The following FOXP1 variants were observed in gnomAD, a reference collection of about 807,000 sequenced individuals.
The protein encoded by FOXP1 is forkhead box P1.
A neutral mutation model predicts 98.2 loss-of-function variants in FOXP1; 15 were observed. The ratio of observed to expected loss-of-function variants is 0.15; its 90% CI spans 0.10 to 0.24. The LOEUF (loss-of-function observed/expected upper bound fraction) is 0.24. FOXP1 is among the 10% of genes least tolerant of loss of function. The probability of loss-of-function intolerance (pLI) is 1.00; values close to 1 mark genes in which losing one functional copy is unlikely to be tolerated. For synonymous variants in FOXP1, 371 were observed against 314.5 expected, an observed-to-expected ratio of 1.18 and a Z score of -1.90; for missense variants, 633 against 848.5, an observed-to-expected ratio of 0.75 and a Z score of 3.15.
intron 14 of FOXP1, 35 bp downstream of exon 14, chr3:70,987,959 T>C: frequency 6.3e-7 from 1 of 1,596,498 alleles, no homozygotes; most frequent in Non-Finnish European, 8.6e-7. Context: ...ACTGTGAGTT[T>C]TGTTTTTTTC....
chr3:70,967,493 T>C (rs933740643), intron 19 of FOXP1, among the ~76,000 whole-genome samples: 1 of 152,160 alleles, frequency 6.6e-6, no homozygotes, highest in African/African-American at 2.4e-5. Context: ...GAAAATCCTG[T>C]GTTTATTTCC....
chr3:71,029,398 T>A (rs1179748694), intron 11 of FOXP1, among the ~76,000 whole-genome samples: 1 of 152,072 alleles, frequency 6.6e-6, no homozygotes, highest in Non-Finnish European at 1.5e-5. Flanking sequence ...CTCTTTTTTT[T>A]TTATTTTTTT....
At chr3:71,187,997 T>C (rs2062745710) in intron 6 of FOXP1, among the ~76,000 whole-genome samples, 1 of 152,230 alleles carries the variant, frequency 6.6e-6, no homozygotes, top group Non-Finnish European at 1.5e-5. Context: ...CTTCGTATCA[T>C]GCAGCCCTGA....
chr3:70,978,466 A>G (rs2038074653), intron 14 of FOXP1, among the ~76,000 whole-genome samples: 1 of 108,308 alleles, frequency 9.2e-6, no homozygotes, highest in South Asian at 2.9e-4. Context: ...GTAGATCTGA[A>G]GAAGTGTCCA....
intron 3 of FOXP1, among the ~76,000 whole-genome samples, chr3:71,468,602 A>G (rs2089016863): frequency 6.6e-6 from 1 of 152,182 alleles, no homozygotes; most frequent in Non-Finnish European, 1.5e-5. Context: ...TATGTTAAGT[A>G]GTTTCCATTC....
rs551942038 is a variant in FOXP1, at chr3:71,343,840, A to G, written c.-73+15310T>C. Among the ~76,000 whole-genome samples the G allele has an allele frequency of 3.3e-5, 5 of 152,116 alleles. No individual in the cohort carries two copies. The East Asian group carries it at 9.6e-4, about 29-fold the overall frequency. ...CCCATCACGCCTGGCGTTCAATTAG[A>G]TTTTCTGAATCAAACAGATTAAATG... On this transcript the variant is annotated intron_variant, in intron 4 of 20. Coordinates refer to ENST00000649528, the MANE Select transcript of FOXP1 (RefSeq NM_001349338.3).
intron 3 of FOXP1, among the ~76,000 whole-genome samples, chr3:71,489,117 C>CA (rs2090879457): frequency 6.6e-6 from 1 of 152,048 alleles, no homozygotes; most frequent in African/African-American, 2.4e-5. Flanking sequence ...CGCCCCACCC[C>CA]AAAACCGGTC....
chr3:71,397,088 A>ATATACATATACACATATATATGTG (rs1553871660), intron 3 of FOXP1, among the ~76,000 whole-genome samples: 1 of 6,498 alleles, frequency 1.5e-4, no homozygotes, highest in Non-Finnish European at 2.7e-4. Context: ...ATATATGTGT[A>ATATACATATACACATATATATGTG]TATATATATA....
chr3:70,972,094 TTCA>T lies in FOXP1; in HGVS notation c.1652+458_1652+460del, dbSNP rs1278578368. 3 of 1,530,782 alleles carry T rather than the reference TTCA, an allele frequency of 2.0e-6. No homozygotes were observed. The South Asian group carries it at 3.6e-5, about 19-fold the overall frequency. The allele number at this position is 1,530,782 out of a possible 1,614,324, so 94.8% of individuals were successfully genotyped here. On this transcript the variant is annotated intron_variant, in intron 18 of 20. Transcript: ENST00000649528. Reference sequence around the variant, plus strand: ...GAATATGGCGGCCACGTTTAAACTCTTCATCATCAACTGTCCAAAAGGACCCAA... The same window carrying T: ...GAATATGGCGGCCACGTTTAAACTCTTCATCAACTGTCCAAAAGGACCCAA...
chr3:71,145,316 C>T (rs1044033162), intron 6 of FOXP1, among the ~76,000 whole-genome samples: 8 of 151,926 alleles, frequency 5.3e-5, no homozygotes, highest in Non-Finnish European at 1.0e-4. Flanking sequence ...GCAGGTGGAT[C>T]ACCTGAGGTC....
At chr3:71,060,856 C>T (rs569022327) in intron 7 of FOXP1, among the ~76,000 whole-genome samples, 2 of 152,122 alleles carry the variant, frequency 1.3e-5, no homozygotes, top group East Asian at 1.9e-4. Flanking sequence ...AACATTTAGC[C>T]TGCATCTTCA....
At chr3:70,982,166 C>G (rs973924140) in intron 14 of FOXP1, among the ~76,000 whole-genome samples, 1 of 151,712 alleles carries the variant, frequency 6.6e-6, no homozygotes, top group Non-Finnish European at 1.5e-5. Context: ...AAAAAGAGTG[C>G]CCCCCCAAAA....
intron 2 of FOXP1, among the ~76,000 whole-genome samples, chr3:71,560,330 G>A (rs546389872): frequency 2.0e-4 from 30 of 152,232 alleles, no homozygotes; most frequent in African/African-American, 7.2e-4. Flanking sequence ...GAAAGAACCT[G>A]GCTCACACAA....
At chr3:71,168,994 G>A (rs1037333988) in intron 6 of FOXP1, among the ~76,000 whole-genome samples, 25 of 152,188 alleles carry the variant, frequency 1.6e-4, no homozygotes, top group African/African-American at 6.0e-4. Context: ...GGAGGAGAGC[G>A]TAAAACTCAC....
chr3:71,015,225 G>C (rs142645072), intron 12 of FOXP1, among the ~76,000 whole-genome samples: 25 of 151,618 alleles, frequency 1.6e-4, no homozygotes, highest in Non-Finnish European at 3.4e-4. Flanking sequence ...GATATGTAAG[G>C]ACATGAATAA....
intron 7 of FOXP1, among the ~76,000 whole-genome samples, chr3:71,059,150 A>AT (rs1226552739): frequency 6.6e-6 from 1 of 152,130 alleles, no homozygotes; most frequent in Non-Finnish European, 1.5e-5. Context: ...TTAGCATTTC[A>AT]TTTTTTATCA....
At chr3:71,372,595 C>T (rs2079420481) in intron 3 of FOXP1, among the ~76,000 whole-genome samples, 1 of 152,182 alleles carries the variant, frequency 6.6e-6, no homozygotes. Context: ...TCCTGCCTTG[C>T]TATGCACTCC....
rs2032471560 is a variant in FOXP1 at position 70,958,736 on chromosome 3, GCA to G, written c.*509_*510del. On this transcript the variant is annotated 3_prime_UTR_variant, in exon 21 of 21. Coordinates refer to ENST00000649528, the MANE Select transcript of FOXP1 (RefSeq NM_001349338.3). ...AAGGCCTTCCCCATCCCAACTGGAA[GCA>G]AAAAAAAAAAAAAAAAAAAAAAAAA... The G allele has an allele frequency of 5.9e-5, 1 of 16,950 alleles. No homozygotes were observed. Among genetic ancestry groups the G allele is most frequent in the Non-Finnish European group, 1.1e-4 (1 of 9,138 alleles). The allele number at this position is 16,950 out of a possible 1,614,324, so 1.0% of individuals were successfully genotyped here. A position where few individuals can be genotyped will look rare whatever the true frequency, so the allele number is the denominator to read the frequency against.
intron 5 of FOXP1, among the ~76,000 whole-genome samples, chr3:71,287,891 A>T (rs2072324646): frequency 6.6e-6 from 1 of 152,046 alleles, no homozygotes; most frequent in African/African-American, 2.4e-5. Flanking sequence ...TCATATATAT[A>T]TATTTTGAGA....
Sources: allele counts gnomAD v4.1 joint callset (sites outside exome capture counted in the v4.1 genomes callset), GRCh38; gene constraint gnomAD v4.1.1; transcripts MANE v1.5; gene names NCBI Gene and HGNC (gene_info 2026-07-23, HGNC 2026-07-21).